The following ATXN8OS variants were observed in gnomAD, a reference collection of about 807,000 sequenced individuals.
ATXN8OS encodes the protein ATXN8 opposite strand lncRNA, also known as ATXN8 opposite strand (non-protein coding).
At chr13:70,154,477 T>C (rs935144945) in intron 4 of ATXN8OS, among the ~76,000 whole-genome samples, 1 of 152,182 alleles carries the variant, frequency 6.6e-6, no homozygotes, top group African/African-American at 2.4e-5. Context: ...GATTGTGGAA[T>C]AATAAAGTGC....
At chr13:70,167,818 C>T (rs1187333366) in intron 4 of ATXN8OS, among the ~76,000 whole-genome samples, 1 of 140,246 alleles carries the variant, frequency 7.1e-6, no homozygotes, top group Non-Finnish European at 1.5e-5. Context: ...TCACTGCAAG[C>T]TCCGCCTCCT....
intron 3 of ATXN8OS, among the ~76,000 whole-genome samples, chr13:70,134,847 T>C (rs1888587814): frequency 6.6e-6 from 1 of 152,116 alleles, no homozygotes; most frequent in South Asian, 2.1e-4. Context: ...AGGGCATATC[T>C]GAGGGCCACT....
intron 3 of ATXN8OS, among the ~76,000 whole-genome samples, chr13:70,136,998 T>C (rs917481854): frequency 6.6e-6 from 1 of 152,160 alleles, no homozygotes; most frequent in Non-Finnish European, 1.5e-5. Flanking sequence ...GTGATCACTG[T>C]CAAGAAAGAC....
chr13:70,154,138 C>T (rs1429285601), intron 4 of ATXN8OS, among the ~76,000 whole-genome samples: 1 of 152,148 alleles, frequency 6.6e-6, no homozygotes, highest in Non-Finnish European at 1.5e-5. Flanking sequence ...GGCGAGCACA[C>T]ACAGTTTTAT....
At chr13:70,148,580 T>G (rs924436042) in intron 4 of ATXN8OS, among the ~76,000 whole-genome samples, 2 of 152,162 alleles carry the variant, frequency 1.3e-5, no homozygotes, top group African/African-American at 4.8e-5. Context: ...GGTATAATTT[T>G]AATTTAGATT....
At chr13:70,152,948 A>G (rs1888889165) in intron 4 of ATXN8OS, among the ~76,000 whole-genome samples, 1 of 151,938 alleles carries the variant, frequency 6.6e-6, no homozygotes, top group Non-Finnish European at 1.5e-5. Flanking sequence ...ATAAAATAAT[A>G]TGAAGGAGCC....
intron 2 of ATXN8OS, among the ~76,000 whole-genome samples, chr13:70,116,677 C>T (rs965804891): frequency 4.6e-5 from 7 of 152,090 alleles, no homozygotes; most frequent in Non-Finnish European, 1.0e-4. Flanking sequence ...GGAGTGATAG[C>T]ATCTGACTTC....
chr13:70,152,359 G>GTA (rs1491448124), intron 4 of ATXN8OS, among the ~76,000 whole-genome samples: 1 of 113,684 alleles, frequency 8.8e-6, no homozygotes, highest in African/African-American at 3.1e-5. Context: ...GTGTGTGTGT[G>GTA]TATATATACA....
At chr13:70,147,354 G>A (rs1241034951) in intron 3 of ATXN8OS, among the ~76,000 whole-genome samples, 1 of 151,860 alleles carries the variant, frequency 6.6e-6, no homozygotes, top group African/African-American at 2.4e-5. Flanking sequence ...TTTTTTCCTA[G>A]TTCTATATCT....
At chr13:70,131,015 A>G (rs1235163689) in intron 3 of ATXN8OS, 1 of 398,430 alleles carries the variant, frequency 2.5e-6, no homozygotes, top group Non-Finnish European at 4.4e-6. Context: ...TGAATATCTT[A>G]AAGAGAGTTA....
At chr13:70,115,385 C>G in intron 2 of ATXN8OS, 1 of 396,794 alleles carries the variant, frequency 2.5e-6, no homozygotes. Context: ...CACTTCCCAA[C>G]ACTGTGGCAT....
chr13:70,167,517 G>C (rs970294353), intron 4 of ATXN8OS, among the ~76,000 whole-genome samples: 1 of 151,826 alleles, frequency 6.6e-6, no homozygotes, highest in Non-Finnish European at 1.5e-5. Flanking sequence ...TTGTGGTGTG[G>C]GGGGAGGGAG....
chr13:70,165,740 AT>A (rs1195331670), intron 4 of ATXN8OS, among the ~76,000 whole-genome samples: 5 of 152,012 alleles, frequency 3.3e-5, no homozygotes, highest in Non-Finnish European at 7.4e-5. Context: ...ATTTACATAA[AT>A]TTTTTTCTAA....
intron 3 of ATXN8OS, among the ~76,000 whole-genome samples, chr13:70,140,653 T>C (rs1338449192): frequency 2.0e-5 from 3 of 152,184 alleles, no homozygotes; most frequent in Admixed American, 2.0e-4. Flanking sequence ...AGGAATCCTC[T>C]GAATGTGTAT....
chr13:70,132,783 TTGAC>T (rs1182334875), intron 3 of ATXN8OS, among the ~76,000 whole-genome samples: 1 of 152,194 alleles, frequency 6.6e-6, no homozygotes, highest in African/African-American at 2.4e-5. Context: ...TAATGAACAT[TTGAC>T]TGTGCAACCT....
intron 2 of ATXN8OS, among the ~76,000 whole-genome samples, chr13:70,124,123 C>T (rs1165144662): frequency 6.6e-6 from 1 of 152,044 alleles, no homozygotes; most frequent in African/African-American, 2.4e-5. Context: ...GTATAAAGAA[C>T]ATACAGTCCT....
intron 3 of ATXN8OS, among the ~76,000 whole-genome samples, chr13:70,137,497 A>T (rs2137488486): frequency 6.6e-6 from 1 of 152,270 alleles, no homozygotes; most frequent in Non-Finnish European, 1.5e-5. Flanking sequence ...GGACTTCGTT[A>T]TTTATATTTC....
intron 2 of ATXN8OS, among the ~76,000 whole-genome samples, chr13:70,122,131 A>C (rs1482810599): frequency 1.3e-5 from 2 of 152,044 alleles, no homozygotes; most frequent in Non-Finnish European, 2.9e-5. Flanking sequence ...ACAATGCTTT[A>C]TCCCAAGAAA....
exon 2 of ATXN8OS, chr13:70,115,249 A>C (rs1888258585): frequency 2.5e-6 from 1 of 398,366 alleles, no homozygotes; most frequent in Admixed American, 4.4e-5. Context: ...GAGAGAACAA[A>C]GTCTGTGTCT....
Sources: gnomAD v4.1 joint callset for allele counts (sites outside exome capture counted in the v4.1 genomes callset) on GRCh38, gnomAD v4.1.1 for gene constraint, MANE v1.5 for transcripts, NCBI Gene and HGNC (gene_info 2026-07-23, HGNC 2026-07-21) for gene names.